The following CACNA1D variants were observed in gnomAD, a reference collection of about 807,000 sequenced individuals.
CACNA1D encodes calcium voltage-gated channel subunit alpha1 D.
CACNA1D carries 55 observed loss-of-function variants against 257.1 expected under a neutral mutation model. That is an observed-to-expected ratio of 0.21 (90% CI 0.17 to 0.27). The LOEUF (loss-of-function observed/expected upper bound fraction) is 0.27. Ranked by LOEUF, CACNA1D falls within the 10% of genes least tolerant of loss-of-function variation. The pLI is 1.00. For missense variants in CACNA1D, 1,876 were observed against 2,784.0 expected (o/e 0.67, Z 7.34); for synonymous variants, 980 against 1,014.9 (o/e 0.97, Z 0.65).
intron 3 of CACNA1D, among the ~76,000 whole-genome samples, chr3:53,530,148 G>A (rs985900024): frequency 2.0e-5 from 3 of 152,202 alleles, no homozygotes; most frequent in Non-Finnish European, 4.4e-5. Flanking sequence ...CAGAGGTAAA[G>A]TATAGAATGG....
chr3:53,566,907 C>G (rs939941289), intron 3 of CACNA1D, among the ~76,000 whole-genome samples: 4 of 152,204 alleles, frequency 2.6e-5, no homozygotes, highest in African/African-American at 9.6e-5. Context: ...CTTCAGGGCT[C>G]GGACTGAGCC....
chr3:53,656,072 G>A (rs956205015), intron 4 of CACNA1D, among the ~76,000 whole-genome samples: 2 of 152,020 alleles, frequency 1.3e-5, no homozygotes, highest in Admixed American at 6.6e-5. Context: ...CACCTTTGTC[G>A]AAGATCAGAT....
intron 14 of CACNA1D, among the ~76,000 whole-genome samples, chr3:53,725,532 G>A (rs142584546): frequency 1.4e-3 from 213 of 152,304 alleles, no homozygotes; most frequent in Non-Finnish European, 2.2e-3. Context: ...ACGTGCCCAA[G>A]TGCTCTCCTT....
chr3:53,645,484 G>T (rs1250653285), intron 3 of CACNA1D, among the ~76,000 whole-genome samples: 1 of 152,082 alleles, frequency 6.6e-6, no homozygotes, highest in Non-Finnish European at 1.5e-5. Flanking sequence ...ATTTTGAGCT[G>T]ATTTTTGTAT....
intron 30 of CACNA1D, among the ~76,000 whole-genome samples, chr3:53,765,075 C>G (rs114778626): frequency 0.011 from 1,615 of 152,342 alleles, 35 homozygotes; most frequent in African/African-American, 0.036. Flanking sequence ...CATCTTTCAA[C>G]ACACATTCAC....
intron 40 of CACNA1D, among the ~76,000 whole-genome samples, chr3:53,794,010 C>T (rs2095496547): frequency 6.6e-6 from 1 of 152,184 alleles, no homozygotes; most frequent in South Asian, 2.1e-4. Flanking sequence ...TGTAGGGAGG[C>T]TCTTCTCAAA....
At chr3:53,664,123 C>T (rs754233510) in intron 5 of CACNA1D, among the ~76,000 whole-genome samples, 2 of 152,292 alleles carry the variant, frequency 1.3e-5, no homozygotes, top group South Asian at 4.1e-4. Flanking sequence ...CTTCAGGACA[C>T]GTCTACCTTA....
At chr3:53,718,528 G>T (rs374183797) in intron 10 of CACNA1D, 140 bp downstream of exon 10, 1 of 1,028,282 alleles carries the variant, frequency 9.7e-7, no homozygotes, top group Non-Finnish European at 1.5e-6. Context: ...CGTACCCCAC[G>T]CCACGCTTCC....
intron 3 of CACNA1D, among the ~76,000 whole-genome samples, chr3:53,544,089 G>A (rs916410852): frequency 6.6e-6 from 1 of 152,092 alleles, no homozygotes; most frequent in Non-Finnish European, 1.5e-5. Context: ...TGGGACTGAG[G>A]ACATACAAAT....
chr3:53,655,962 A>G (rs887154624), intron 4 of CACNA1D, among the ~76,000 whole-genome samples: 3 of 152,132 alleles, frequency 2.0e-5, no homozygotes, highest in South Asian at 2.1e-4. Context: ...TGTATATAGT[A>G]TAAGAAAAGG....
chr3:53,710,597 A>T (rs2094743154), intron 9 of CACNA1D: 1 of 366,900 alleles, frequency 2.7e-6, no homozygotes, highest in Non-Finnish European at 5.5e-6. Flanking sequence ...CCTATATTTT[A>T]ATTGCTTGAT....
At chr3:53,652,913 C>T (rs966985705) in intron 4 of CACNA1D, among the ~76,000 whole-genome samples, 1 of 152,176 alleles carries the variant, frequency 6.6e-6, no homozygotes, top group Non-Finnish European at 1.5e-5. Flanking sequence ...AGTACAGAGA[C>T]TACCTGAAAT....
intron 9 of CACNA1D, among the ~76,000 whole-genome samples, chr3:53,709,683 A>T (rs1167347162): frequency 2.0e-5 from 3 of 152,166 alleles, no homozygotes; most frequent in Non-Finnish European, 2.9e-5. Flanking sequence ...TGATCATGGA[A>T]TCATGGGGCT....
rs75548468 is a variant in CACNA1D at position 53,812,561 on chromosome 3, TTTTG to T, written c.*1164_*1167del. 10,583 of 149,550 alleles carry T rather than the reference TTTTG, an allele frequency of 0.071. 757 individuals carry two copies. The highest frequency in any genetic ancestry group is 0.18 in the African/African-American group (7,392 of 41,028). 9.3% of individuals were successfully genotyped at this position (149,550 alleles called of 1,614,324 possible). A position where few individuals can be genotyped will look rare whatever the true frequency, so the allele number is the denominator to read the frequency against. ...CACCATGGGTTGCAACTGTCTTTGG[TTTTG>T]TTTGTTTGACTTGAACCACCCTCTG... On this transcript the variant is annotated 3_prime_UTR_variant, in exon 48 of 48. Coordinates refer to ENST00000350061, the MANE Select transcript of CACNA1D (RefSeq NM_001128840.3).
At position 53,683,689 on chromosome 3, in the gene CACNA1D, A is replaced by T. The variant is rs1163756287; in HGVS notation, c.1220+10563A>T. ...AGGAACTGAAGGAAAAGATGGACATAATAAAAGAATAGGTAAATCTCAGTA... is the reference window on the plus strand; with the variant it reads ...AGGAACTGAAGGAAAAGATGGACATTATAAAAGAATAGGTAAATCTCAGTA... On this transcript the variant is annotated intron_variant, in intron 8 of 47. Coordinates refer to ENST00000350061, the MANE Select transcript of CACNA1D (RefSeq NM_001128840.3). Among the ~76,000 whole-genome samples, 3 of 149,962 alleles carry T rather than the reference A, an allele frequency of 2.0e-5. No homozygotes were observed. The South Asian group carries it at 6.8e-4, about 34-fold the overall frequency.
rs529706355 is a variant in CACNA1D at position 53,805,076 on chromosome 3, C to T, written c.5679C>T (p.Asp1893=). The stretch of plus-strand genomic sequence containing the variant: ...ATCATCCCCAAGGATTCTTGGAGGA[C>T]GATGACTCGCCCGTTTGCTATGATT... ...GYHHPQGFLE[D]DDSPVCYDSR... The change falls in exon 45 of 48, where the codon GAC becomes GAT. Residue 1893 remains aspartate, a synonymous_variant. Coordinates refer to ENST00000350061, the MANE Select transcript of CACNA1D (RefSeq NM_001128840.3). 2.7e-5 allele frequency: 44 copies of T among 1,614,104 alleles called. 1 individual carries two copies. The South Asian group carries it at 2.7e-4, about 10-fold the overall frequency.
At chr3:53,578,192 G>A (rs1353542027) in intron 3 of CACNA1D, among the ~76,000 whole-genome samples, 51 of 152,288 alleles carry the variant, frequency 3.3e-4, no homozygotes, top group Admixed American at 3.3e-3. Context: ...TGCTGTTAGG[G>A]AGGTGGGAAG....
intron 39 of CACNA1D, 84 bp from the exon 40 acceptor site, chr3:53,786,738 C>A: frequency 1.2e-6 from 1 of 861,498 alleles, no homozygotes; most frequent in Non-Finnish European, 1.8e-6. Context: ...TCTGCCCCTG[C>A]CCCTGCCCCA....
chr3:53,536,301 C>G (rs539269259), intron 3 of CACNA1D, among the ~76,000 whole-genome samples: 2 of 151,944 alleles, frequency 1.3e-5, no homozygotes, highest in East Asian at 3.8e-4. Context: ...TGGTCATTTT[C>G]GAAGCTGCAC....
Sources: allele counts gnomAD v4.1 joint callset (sites outside exome capture counted in the v4.1 genomes callset), GRCh38; gene constraint gnomAD v4.1.1; transcripts MANE v1.5; gene names NCBI Gene and HGNC (gene_info 2026-07-23, HGNC 2026-07-21).